Variants in MAP4 observed in about 807,000 individuals in gnomAD.
The protein encoded by MAP4 is microtubule-associated protein 4.
MAP4 carries 76 observed loss-of-function variants against 170.2 expected under a neutral mutation model. That is an observed-to-expected ratio of 0.45 (90% CI 0.37 to 0.54). The LOEUF is 0.54. MAP4 is among the 20% of genes least tolerant of loss of function. MAP4 has a pLI of 0.00. For synonymous variants in MAP4, 909 were observed against 994.5 expected (o/e 0.91, Z 1.62); for missense variants, 2,506 against 2,748.0 (o/e 0.91, Z 1.97).
In MAP4 at chr3:47,853,317, C is replaced by A; in HGVS notation, c.6732G>T (p.Pro2244=). ...EGGGSEAPLC[P]GPPAGEEPAI... is the part of the protein sequence containing the mutation. ...CCGGCTCCTCCCCAGCAGGGGGACC[C>A]GGACACAGAGGAGCCTCGCTGCCAC... is the stretch of plus-strand genomic sequence containing the variant. Residue 2244 remains proline, a synonymous_variant, in exon 20 of 21, where the codon CCG becomes CCT. Coordinates refer to ENST00000683076, the MANE Select transcript of MAP4 (RefSeq NM_001385682.1). 6.2e-7 allele frequency: 1 copy of A among 1,610,864 alleles called. No homozygotes were observed. Among genetic ancestry groups the A allele is most frequent in the Non-Finnish European group, 8.5e-7 (1 of 1,179,528 alleles).
At chr3:47,954,031 A>T (rs967840611) in intron 3 of MAP4, among the ~76,000 whole-genome samples, 5 of 151,864 alleles carry the variant, frequency 3.3e-5, no homozygotes, top group Admixed American at 3.3e-4. Context: ...CAAAAAAAAA[A>T]ACAAACAACA....
At chr3:47,908,940 G>T in intron 9 of MAP4, 98 bp downstream of exon 9, 2 of 1,248,158 alleles carry the variant, frequency 1.6e-6, no homozygotes, top group Non-Finnish European at 2.2e-6. Context: ...TAACAAGGAT[G>T]ATTAGAGTCT....
rs1203615739 is a variant in MAP4 at position 47,917,313 on chromosome 3, C to T, written c.653-139G>A. The T allele has an allele frequency of 2.2e-5, 15 of 691,566 alleles. No individual in the cohort carries two copies. In the East Asian group the frequency reaches 3.7e-4, roughly 17 times the overall value. The allele number at this position is 691,566 out of a possible 1,614,324, so 42.8% of individuals were successfully genotyped here. A position where few individuals can be genotyped will look rare whatever the true frequency, so the allele number is the denominator to read the frequency against. Reference sequence around the variant, plus strand: ...AACTAAGAATTAATGTTAGGCCGGGCACAGTGGCTCACGCCTGTAATCCCA... The same window carrying T: ...AACTAAGAATTAATGTTAGGCCGGGTACAGTGGCTCACGCCTGTAATCCCA... On this transcript the variant is annotated intron_variant, in intron 6 of 20. Coordinates refer to ENST00000683076, the MANE Select transcript of MAP4 (RefSeq NM_001385682.1).
intron 3 of MAP4, among the ~76,000 whole-genome samples, chr3:47,930,821 C>T (rs1199025063): frequency 1.3e-5 from 2 of 151,128 alleles, no homozygotes; most frequent in Non-Finnish European, 2.9e-5. Flanking sequence ...CCCAGCTACT[C>T]AGGAGGCTGA....
intron 1 of MAP4, among the ~76,000 whole-genome samples, chr3:48,066,821 CCTTTTTTTT>C (rs2100138472): frequency 8.3e-6 from 1 of 120,334 alleles, no homozygotes; most frequent in Non-Finnish European, 1.7e-5. Context: ...ATCTCTAATT[CCTTTTTTTT>C]TTTTTTTTTT....
rs933217353 is a variant in MAP4, at chr3:47,912,496, C to A, written c.2000-75G>T. On this transcript the variant is annotated intron_variant, in intron 8 of 20. Coordinates refer to ENST00000683076, the MANE Select transcript of MAP4 (RefSeq NM_001385682.1). ...AAAAACAAACAAACAAACAAAAAAACCAGACCATATAAATGACTAATTTAA... is the reference window on the plus strand; with the variant it reads ...AAAAACAAACAAACAAACAAAAAAAACAGACCATATAAATGACTAATTTAA... 1.6e-4 allele frequency: 205 copies of A among 1,311,532 alleles called. 1 individual carries two copies. Among genetic ancestry groups the A allele is most frequent in the South Asian group, 1.4e-4 (9 of 62,742 alleles). 81.2% of individuals were successfully genotyped at this position (1,311,532 alleles called of 1,614,324 possible).
At chr3:48,021,753 G>T (rs1171840594) in intron 1 of MAP4, among the ~76,000 whole-genome samples, 1 of 152,126 alleles carries the variant, frequency 6.6e-6, no homozygotes, top group African/African-American at 2.4e-5. Flanking sequence ...AAAAAGTCAA[G>T]AACAGCTAAG....
At chr3:47,996,628 T>G (rs1446985466) in intron 2 of MAP4, among the ~76,000 whole-genome samples, 1 of 152,016 alleles carries the variant, frequency 6.6e-6, no homozygotes, top group Non-Finnish European at 1.5e-5. Context: ...CTAGCTCAGC[T>G]CCTGTTAAAA....
chr3:48,079,249 TTTGGAATATC>T (rs1175196509), intron 1 of MAP4, among the ~76,000 whole-genome samples: 8 of 152,096 alleles, frequency 5.3e-5, no homozygotes. Flanking sequence ...TAGAGAGCAT[TTTGGAATATC>T]TGTATACTAC....
intron 10 of MAP4, among the ~76,000 whole-genome samples, chr3:47,888,488 G>GT (rs2098027085): frequency 6.6e-6 from 1 of 151,974 alleles, no homozygotes; most frequent in African/African-American, 2.4e-5. Flanking sequence ...CTTAAGAGCT[G>GT]TAACACTCAC....
chr3:48,012,017 C>T (rs1039105090), intron 1 of MAP4, among the ~76,000 whole-genome samples: 1 of 152,158 alleles, frequency 6.6e-6, no homozygotes, highest in Non-Finnish European at 1.5e-5. Context: ...GGATTAAGAA[C>T]CTGCCTTCCC....
At chr3:47,907,316 G>T (rs1050028746) in intron 9 of MAP4, among the ~76,000 whole-genome samples, 1 of 152,086 alleles carries the variant, frequency 6.6e-6, no homozygotes, top group African/African-American at 2.4e-5. Flanking sequence ...CTCTGGAGAG[G>T]GAAAGCTGGA....
intron 3 of MAP4, among the ~76,000 whole-genome samples, chr3:47,951,497 G>A (rs2100063807): frequency 6.6e-6 from 1 of 152,190 alleles, no homozygotes; most frequent in Non-Finnish European, 1.5e-5. Context: ...TTGCAGACGC[G>A]CGCCGCCACG....
At chr3:47,937,823 G>A (rs897789944) in intron 3 of MAP4, among the ~76,000 whole-genome samples, 2 of 150,756 alleles carry the variant, frequency 1.3e-5, no homozygotes, top group Non-Finnish European at 3.0e-5. Flanking sequence ...CACCATGCCC[G>A]GCTAATTTTT....
In MAP4 at chr3:48,006,838, T is replaced by C. The variant is rs182349013; in HGVS notation, c.-19-7959A>G. On this transcript the variant is annotated intron_variant, in intron 1 of 20. Coordinates refer to ENST00000683076, the MANE Select transcript of MAP4 (RefSeq NM_001385682.1). The stretch of plus-strand genomic sequence containing the variant: ...AAGCTTAACCAAGTGGTGACTCCAA[T>C]TGCTGCTGCTGTTACCAGATGTGGT... Among the ~76,000 whole-genome samples, 21 of 152,350 alleles carry C rather than the reference T, an allele frequency of 1.4e-4. 1 individual carries two copies. The East Asian group carries it at 3.7e-3, about 27-fold the overall frequency.
At chr3:47,977,681 T>G (rs2100082961) in intron 3 of MAP4, among the ~76,000 whole-genome samples, 184 bp downstream of exon 3, 1 of 152,236 alleles carries the variant, frequency 6.6e-6, no homozygotes, top group African/African-American at 2.4e-5. Flanking sequence ...AACTCATTAT[T>G]CTCCTTCCAT....
At chr3:47,922,754 T>TG (rs1243952837) in intron 4 of MAP4, among the ~76,000 whole-genome samples, 2 of 152,030 alleles carry the variant, frequency 1.3e-5, no homozygotes, top group African/African-American at 2.4e-5. Context: ...CTTTTGTACA[T>TG]GAAAAAAAAG....
chr3:47,914,481 T>C (rs1166350866), intron 8 of MAP4, among the ~76,000 whole-genome samples: 4 of 147,428 alleles, frequency 2.7e-5, no homozygotes, highest in African/African-American at 5.0e-5. Flanking sequence ...ACCCAGTAGG[T>C]GGAGGATGCA....
chr3:47,991,425 C>T (rs1268262283), intron 2 of MAP4, among the ~76,000 whole-genome samples: 1 of 152,106 alleles, frequency 6.6e-6, no homozygotes, highest in Non-Finnish European at 1.5e-5. Context: ...AATCCCAGTG[C>T]TTTGGGAGGC....
Sources: allele counts gnomAD v4.1 joint callset (sites outside exome capture counted in the v4.1 genomes callset), GRCh38; gene constraint gnomAD v4.1.1; transcripts MANE v1.5; gene names NCBI Gene and HGNC (gene_info 2026-07-23, HGNC 2026-07-21).